PID1: variants seen among roughly 807,000 people sequenced by gnomAD.
The protein encoded by PID1 is phosphotyrosine interaction domain containing 1.
Under a neutral mutation model 19.1 loss-of-function variants are expected in PID1, and 10 were observed. The observed-to-expected ratio is 0.52, with a 90% CI of 0.32 to 0.89. The LOEUF (loss-of-function observed/expected upper bound fraction) is 0.89, where lower values mean the gene tolerates loss of function less well. Among genes scored for constraint, PID1 ranks in the 40% least tolerant of loss-of-function variants. The pLI, the probability that PID1 is intolerant of heterozygous loss-of-function variation, is 0.03. For missense variants in PID1, 248 were observed against 285.3 expected, an observed-to-expected ratio of 0.87 and a Z score of 0.94; for synonymous variants, 130 against 116.0, an observed-to-expected ratio of 1.12 and a Z score of -0.78.
intron 2 of PID1, among the ~76,000 whole-genome samples, chr2:229,036,780 C>T (rs188990509): frequency 5.9e-5 from 9 of 152,182 alleles, no homozygotes; most frequent in East Asian, 1.9e-4. Flanking sequence ...CAAAAAAACC[C>T]GAAAATGGAT....
chr2:229,112,404 T>C (rs1695316247), intron 2 of PID1, among the ~76,000 whole-genome samples: 1 of 152,234 alleles, frequency 6.6e-6, no homozygotes, highest in South Asian at 2.1e-4. Context: ...CTTAGCAATG[T>C]ACTCAGCTGT....
Position 229,025,385 on chromosome 2 carries a change from G to T in PID1, c.*247C>A. 2.1e-6 allele frequency: 1 copy of T among 477,472 alleles called. No homozygotes were observed. Among genetic ancestry groups the T allele is most frequent in the Non-Finnish European group, 3.7e-6 (1 of 267,252 alleles). 29.6% of individuals were successfully genotyped at this position (477,472 alleles called of 1,614,324 possible). The stretch of plus-strand genomic sequence containing the variant: ...ATTGGGAAATGAGAAAAATAAGAGA[G>T]CCTAGAACCTTCCTCCCCATCCACA... On this transcript the variant is annotated 3_prime_UTR_variant, in exon 3 of 3. Transcript: ENST00000392055.
intron 2 of PID1, among the ~76,000 whole-genome samples, chr2:229,086,065 T>C (rs1313321999): frequency 6.6e-6 from 1 of 152,122 alleles, no homozygotes; most frequent in Non-Finnish European, 1.5e-5. Context: ...CAGGACCTAT[T>C]CCAAACTTGT....
intron 1 of PID1, among the ~76,000 whole-genome samples, chr2:229,253,643 GCA>G (rs1690211731): frequency 6.6e-6 from 1 of 150,838 alleles, no homozygotes; most frequent in South Asian, 2.1e-4. Context: ...AGTTAAGCAT[GCA>G]CAGTTTTTAC....
intron 2 of PID1, among the ~76,000 whole-genome samples, chr2:229,062,096 A>ATTGTTCT (rs1694223883): frequency 6.6e-6 from 1 of 151,830 alleles, no homozygotes; most frequent in Non-Finnish European, 1.5e-5. Flanking sequence ...TTTTTATCTA[A>ATTGTTCT]TTGTTCTAGC....
chr2:229,192,922 C>T (rs140098392), intron 1 of PID1, among the ~76,000 whole-genome samples: 3 of 152,308 alleles, frequency 2.0e-5, no homozygotes, highest in African/African-American at 7.2e-5. Flanking sequence ...ACATAAATGT[C>T]CAAGCTCCTA....
Position 229,119,556 on chromosome 2 carries a change from T to G in PID1, c.177+36262A>C, listed in dbSNP as rs1260274876. Among the ~76,000 whole-genome samples the G allele has an allele frequency of 2.6e-5, 4 of 152,330 alleles. No individual in the cohort carries two copies. The East Asian group carries it at 5.8e-4, about 22-fold the overall frequency. ...CTTAAGGGAATGATATAATTTCTCC[T>G]TTGGTTTAGCATAATACCTTTACAG... On this transcript the variant is annotated intron_variant, in intron 2 of 2. Transcript: ENST00000392055.
intron 1 of PID1, among the ~76,000 whole-genome samples, chr2:229,248,849 C>T (rs1394929247): frequency 6.6e-6 from 1 of 152,074 alleles, no homozygotes; most frequent in Non-Finnish European, 1.5e-5. Flanking sequence ...AAGGGGCCTT[C>T]TGTGTCATGT....
intron 1 of PID1, among the ~76,000 whole-genome samples, chr2:229,203,769 C>A (rs751418675): frequency 2.0e-5 from 3 of 152,060 alleles, no homozygotes; most frequent in Non-Finnish European, 2.9e-5. Context: ...GCTCCTTAAG[C>A]ATTTGGCCAA....
chr2:229,068,191 T>C (rs1380394045), intron 2 of PID1, among the ~76,000 whole-genome samples: 1 of 152,222 alleles, frequency 6.6e-6, no homozygotes, highest in Non-Finnish European at 1.5e-5. Context: ...CCCATTGCCC[T>C]GGCATTGAGA....
At chr2:229,248,599 T>C (rs1690063805) in intron 1 of PID1, among the ~76,000 whole-genome samples, 1 of 152,200 alleles carries the variant, frequency 6.6e-6, no homozygotes, top group Admixed American at 6.5e-5. Context: ...CTGGATTAAA[T>C]ATTATTATGA....
intron 2 of PID1, among the ~76,000 whole-genome samples, chr2:229,143,057 G>A (rs1346668946): frequency 2.0e-3 from 265 of 132,808 alleles, no homozygotes; most frequent in Middle Eastern, 3.6e-3. Flanking sequence ...GGACATGGAT[G>A]AAATTGGAAA....
chr2:229,167,906 G>A (rs980168558), intron 1 of PID1, among the ~76,000 whole-genome samples: 1 of 152,050 alleles, frequency 6.6e-6, no homozygotes, highest in Non-Finnish European at 1.5e-5. Context: ...AACATCACTT[G>A]TACATTTTCA....
chr2:229,257,556 C>A (rs763521759), intron 1 of PID1, among the ~76,000 whole-genome samples: 2 of 152,188 alleles, frequency 1.3e-5, no homozygotes, highest in African/African-American at 2.4e-5. Flanking sequence ...TCGGTTTATG[C>A]CTGCTGTTCC....
intron 2 of PID1, among the ~76,000 whole-genome samples, chr2:229,119,320 C>T (rs1695471040): frequency 6.6e-6 from 1 of 152,192 alleles, no homozygotes; most frequent in Non-Finnish European, 1.5e-5. Flanking sequence ...ATACTTTGTA[C>T]ATATCAAGGC....
intron 2 of PID1, among the ~76,000 whole-genome samples, chr2:229,105,458 C>A (rs1207963679): frequency 2.0e-5 from 3 of 152,226 alleles, no homozygotes; most frequent in African/African-American, 7.2e-5. Context: ...ATCCTGGGAT[C>A]TGAGATATGC....
At chr2:229,165,474 G>C (rs1302896790) in intron 1 of PID1, among the ~76,000 whole-genome samples, 1 of 152,066 alleles carries the variant, frequency 6.6e-6, no homozygotes, top group East Asian at 1.9e-4. Context: ...CCAGCTACTT[G>C]GGAGGCTGAG....
intron 2 of PID1, among the ~76,000 whole-genome samples, chr2:229,103,540 T>C (rs1265971938): frequency 6.6e-6 from 1 of 151,912 alleles, no homozygotes; most frequent in Non-Finnish European, 1.5e-5. Context: ...TTATGGAAAT[T>C]AGCCTAGACT....
At chr2:229,217,450 A>G (rs1691871133) in intron 1 of PID1, among the ~76,000 whole-genome samples, 1 of 152,338 alleles carries the variant, frequency 6.6e-6, no homozygotes, top group East Asian at 1.9e-4. Context: ...TGAAGTAAAC[A>G]AGATTCATTA....
Sources: gnomAD v4.1 joint callset for allele counts (sites outside exome capture counted in the v4.1 genomes callset) on GRCh38, gnomAD v4.1.1 for gene constraint, MANE v1.5 for transcripts, NCBI Gene and HGNC (gene_info 2026-07-23, HGNC 2026-07-21) for gene names.